The following ALK variants were observed in gnomAD, a reference collection of about 807,000 sequenced individuals.
ALK encodes ALK receptor tyrosine kinase.
Under a neutral mutation model 163.1 loss-of-function variants are expected in ALK, and 74 were observed. That is an observed-to-expected ratio of 0.45 (90% CI 0.38 to 0.55). The LOEUF is 0.55. ALK is among the 20% of genes least tolerant of loss of function. The pLI is 0.00. For synonymous variants in ALK, 960 were observed against 843.2 expected (o/e 1.14, Z -2.40); for missense variants, 2,063 against 2,105.3 (o/e 0.98, Z 0.39).
intron 5 of ALK, among the ~76,000 whole-genome samples, chr2:29,376,613 T>C (rs1421183405): frequency 2.0e-5 from 3 of 152,202 alleles, no homozygotes; most frequent in East Asian, 3.9e-4. Flanking sequence ...ACATACAGAG[T>C]TTGCTGCTGG....
At chr2:29,808,515 T>C (rs985739317) in intron 1 of ALK, among the ~76,000 whole-genome samples, 2 of 152,192 alleles carry the variant, frequency 1.3e-5, no homozygotes, top group Non-Finnish European at 2.9e-5. Flanking sequence ...CTCATTTTTC[T>C]TCCATCAATT....
intron 6 of ALK, among the ~76,000 whole-genome samples, chr2:29,321,880 A>T (rs1346477291): frequency 2.0e-5 from 3 of 152,186 alleles, no homozygotes; most frequent in Non-Finnish European, 2.9e-5. Flanking sequence ...TCTACATCAG[A>T]CTGATCTCAG....
At chr2:29,462,066 G>A (rs1027682798) in intron 4 of ALK, among the ~76,000 whole-genome samples, 1 of 152,126 alleles carries the variant, frequency 6.6e-6, no homozygotes, top group Admixed American at 6.6e-5. Context: ...AGCCAGAGAA[G>A]TAGAATTAGA....
intron 4 of ALK, among the ~76,000 whole-genome samples, chr2:29,445,074 C>T (rs2148085687): frequency 6.6e-6 from 1 of 152,354 alleles, no homozygotes; most frequent in East Asian, 1.9e-4. Context: ...TTGACTCCTA[C>T]TTCCCATTGT....
At chr2:29,223,591 C>T (rs2148171416) in intron 19 of ALK, 63 bp from the exon 20 acceptor site, 1 of 1,556,628 alleles carries the variant, frequency 6.4e-7, no homozygotes, top group Non-Finnish European at 8.7e-7. Flanking sequence ...ACTACACAGG[C>T]CACTTCCTAC....
In ALK at chr2:29,207,982, G is replaced by A. The variant is rs1669358884; in HGVS notation, c.3837-710C>T. ...TGTTACAGGAAGCAGCTTCCTGCCA[G>A]CTGTCGACATTAATTAATTACCTCA... On this transcript the variant is annotated intron_variant, in intron 25 of 28. Coordinates refer to ENST00000389048, the MANE Select transcript of ALK (RefSeq NM_004304.5). The A allele has an allele frequency of 1.2e-5, 5 of 434,144 alleles. No homozygotes were observed. In the Admixed American group the frequency reaches 1.2e-4, roughly 10 times the overall value. 26.9% of individuals were successfully genotyped at this position (434,144 alleles called of 1,614,324 possible).
chr2:29,920,260 T>C lies in ALK; in HGVS notation c.400A>G (p.Lys134Glu). The change falls in exon 1 of 29, where the codon AAG (lysine) becomes GAG (glutamate). Residue 134 changes from lysine (K) to glutamate (E), a missense_variant. Lys to Glu is a moderately conservative substitution (Grantham distance 56, BLOSUM62 1). This residue lies in a region of ALK where 987 missense variants were observed against 939.5 expected (regional missense o/e 1.05). Transcript: ENST00000389048. Reference protein sequence around the residue: ...SRVLKGGSVRKLRRAKQLVLE... With the variant: ...SRVLKGGSVRELRRAKQLVLE... The stretch of plus-strand genomic sequence containing the variant: ...ACCAACTGCTTGGCACGCCGGAGCT[T>C]GCGCACGGAGCCGCCCTTCAGCACC... 6.2e-7 allele frequency: 1 copy of C among 1,603,276 alleles called. No individual in the cohort carries two copies. Among genetic ancestry groups the C allele is most frequent in the Non-Finnish European group, 8.5e-7 (1 of 1,175,652 alleles).
At chr2:29,516,051 A>G (rs1365287176) in intron 4 of ALK, among the ~76,000 whole-genome samples, 3 of 152,212 alleles carry the variant, frequency 2.0e-5, no homozygotes, top group Admixed American at 1.3e-4. Context: ...TGACAGTGAC[A>G]GTGCTGGAGT....
chr2:29,727,555 C>A (rs542592838), intron 1 of ALK, among the ~76,000 whole-genome samples: 1 of 152,184 alleles, frequency 6.6e-6, no homozygotes, highest in African/African-American at 2.4e-5. Flanking sequence ...GCTTTCCCAG[C>A]CAACTTTTGG....
rs183827386 is a variant in ALK at position 29,790,050 on chromosome 2, G to A, written c.668-72353C>T. Reference sequence around the variant, plus strand: ...TTGCATAATTCAATTCCCGAATGCCGTCAAGATGGCCGACCTACCACAGAG... The same window carrying A: ...TTGCATAATTCAATTCCCGAATGCCATCAAGATGGCCGACCTACCACAGAG... On this transcript the variant is annotated intron_variant, in intron 1 of 28. Transcript: ENST00000389048. Among the ~76,000 whole-genome samples the A allele has an allele frequency of 3.9e-5, 6 of 152,266 alleles. No individual in the cohort carries two copies. In the East Asian group the frequency reaches 5.8e-4, roughly 15 times the overall value.
chr2:29,564,226 C>T (rs1257188534), intron 3 of ALK, among the ~76,000 whole-genome samples: 3 of 151,400 alleles, frequency 2.0e-5, no homozygotes, highest in African/African-American at 7.3e-5. Flanking sequence ...TGGGATAATA[C>T]TTGGCACCCC....
intron 11 of ALK, among the ~76,000 whole-genome samples, chr2:29,272,185 G>GGAGGGAGAGAGAGAGAGAGAGAGA (rs1553402255): frequency 6.4e-4 from 93 of 145,228 alleles, no homozygotes; most frequent in Non-Finnish European, 1.2e-3. Context: ...GTCGGGTGAG[G>GGAGGGAGAGAGAGAGAGAGAGAGA]GAGAGAGAGA....
chr2:29,577,890 C>T (rs114123174), intron 3 of ALK, among the ~76,000 whole-genome samples: 51 of 152,340 alleles, frequency 3.3e-4, no homozygotes, highest in African/African-American at 1.1e-3. Flanking sequence ...CTTCAATCCT[C>T]GAAGCCAGAC....
intron 1 of ALK, among the ~76,000 whole-genome samples, chr2:29,777,440 G>T (rs905708332): frequency 2.0e-5 from 3 of 152,074 alleles, no homozygotes; most frequent in Admixed American, 2.0e-4. Context: ...AGTTTGTGCA[G>T]ACCTTCTCTC....
At chr2:29,571,721 A>C (rs1558389681) in intron 3 of ALK, among the ~76,000 whole-genome samples, 1 of 143,310 alleles carries the variant, frequency 7.0e-6, no homozygotes, top group Non-Finnish European at 1.5e-5. Flanking sequence ...GGTTCAAGCG[A>C]TTCTTCTGCC....
intron 4 of ALK, among the ~76,000 whole-genome samples, chr2:29,445,535 G>A (rs571579099): frequency 2.6e-5 from 4 of 152,344 alleles, no homozygotes; most frequent in African/African-American, 9.6e-5. Flanking sequence ...AATAAGGGCT[G>A]GGCATGGTGG....
intron 7 of ALK, among the ~76,000 whole-genome samples, chr2:29,318,636 G>C (rs933924866): frequency 6.6e-6 from 1 of 150,442 alleles, no homozygotes; most frequent in Non-Finnish European, 1.5e-5. Context: ...GCGCGATCTT[G>C]GCTCACTGCA....
chr2:29,357,099 A>G (rs185902158), intron 5 of ALK, among the ~76,000 whole-genome samples: 18 of 152,320 alleles, frequency 1.2e-4, no homozygotes, highest in Admixed American at 7.8e-4. Flanking sequence ...CATATCAGCT[A>G]TAACGAACGC....
intron 1 of ALK, among the ~76,000 whole-genome samples, chr2:29,801,390 G>GA (rs1378433475): frequency 1.3e-5 from 2 of 152,000 alleles, no homozygotes; most frequent in Admixed American, 6.5e-5. Flanking sequence ...ACAACAACGA[G>GA]AAAAAAACAG....
Sources: gnomAD v4.1 joint callset for allele counts (sites outside exome capture counted in the v4.1 genomes callset) on GRCh38, gnomAD v4.1.1 for gene constraint, gnomAD v4.1.1 regional missense constraint, MANE v1.5 for transcripts, NCBI Gene and HGNC (gene_info 2026-07-23, HGNC 2026-07-21) for gene names.